LPGAT1: variants seen among roughly 807,000 people sequenced by gnomAD.
LPGAT1 encodes the protein acyl-CoA:lysophosphatidylglycerol acyltransferase 1.
In LPGAT1, 11 loss-of-function variants were observed where a neutral mutation model predicts 47.5. The observed-to-expected ratio is 0.23, with a 90% CI of 0.15 to 0.38. The LOEUF (loss-of-function observed/expected upper bound fraction) is 0.38, where lower values mean the gene tolerates loss of function less well. Ranked by LOEUF, LPGAT1 falls within the 10% of genes least tolerant of loss-of-function variation. The pLI is 1.00. For missense variants in LPGAT1, 293 were observed against 439.0 expected (o/e 0.67, Z 2.97); for synonymous variants, 138 against 144.2 (o/e 0.96, Z 0.31).
intron 4 of LPGAT1, 78 bp from the exon 5 acceptor site, chr1:211,783,580 C>A (rs1658728064): frequency 7.5e-7 from 1 of 1,337,336 alleles, no homozygotes; most frequent in Non-Finnish European, 1.0e-6. Context: ...GAAATTACAG[C>A]TTCTAAATTA....
intron 2 of LPGAT1, among the ~76,000 whole-genome samples, chr1:211,817,195 C>A (rs1000349174): frequency 2.6e-5 from 4 of 152,254 alleles, no homozygotes; most frequent in Admixed American, 6.5e-5. Context: ...TAGGGGGAAA[C>A]GTATATATTG....
At chr1:211,777,601 C>T (rs1658456509) in intron 6 of LPGAT1, among the ~76,000 whole-genome samples, 1 of 152,018 alleles carries the variant, frequency 6.6e-6, no homozygotes, top group Admixed American at 6.5e-5. Flanking sequence ...AATGTTCTTG[C>T]TACTGTTGTT....
At chr1:211,819,621 C>T (rs777728477) in intron 2 of LPGAT1, among the ~76,000 whole-genome samples, 17 of 152,170 alleles carry the variant, frequency 1.1e-4, no homozygotes, top group Non-Finnish European at 1.6e-4. Flanking sequence ...TAGGGCAAGA[C>T]AGTGTGGCAT....
intron 6 of LPGAT1, among the ~76,000 whole-genome samples, chr1:211,758,938 ATT>A (rs1331856216): frequency 6.6e-6 from 1 of 152,028 alleles, no homozygotes; most frequent in Non-Finnish European, 1.5e-5. Context: ...TTTATTAAGA[ATT>A]TTTTTATCGA....
rs112662875 is a variant in LPGAT1, at chr1:211,795,610, G to A, written c.239-2420C>T. Among the ~76,000 whole-genome samples, 466 of 152,112 alleles carry A rather than the reference G, an allele frequency of 3.1e-3. 1 individual carries two copies. The highest frequency in any genetic ancestry group is 3.8e-3 in the Non-Finnish European group (257 of 67,978). On this transcript the variant is annotated intron_variant, in intron 2 of 7. Transcript: ENST00000366997. ...TTCAACTCCCAACCTCAGGTGATCC[G>A]CCCACCTCGGCCTCCCAACGTGCTG...
chr1:211,802,681 G>C (rs1659619839), intron 2 of LPGAT1, among the ~76,000 whole-genome samples: 1 of 151,988 alleles, frequency 6.6e-6, no homozygotes, highest in African/African-American at 2.4e-5. Context: ...ACAAAATCCA[G>C]CCTTCAAATA....
At chr1:211,789,619 C>T (rs1009245465) in intron 3 of LPGAT1, among the ~76,000 whole-genome samples, 5 of 152,140 alleles carry the variant, frequency 3.3e-5, no homozygotes, top group South Asian at 2.1e-4. Context: ...CGATGGCTCA[C>T]GCCTATAATC....
chr1:211,789,760 CTCAGGAGAACTGAG>C (rs564055862), intron 3 of LPGAT1, among the ~76,000 whole-genome samples: 158 of 151,822 alleles, frequency 1.0e-3, no homozygotes, highest in Non-Finnish European at 1.9e-3. Flanking sequence ...GTCCCAGCTA[CTCAGGAGAACTGAG>C]GCAGGAGAAC....
At position 211,745,038 on chromosome 1, in the gene LPGAT1, T is replaced by C. The variant is rs762625412; in HGVS notation, c.*4861A>G. 12 of 152,678 alleles carry C rather than the reference T, an allele frequency of 7.9e-5. No individual in the cohort carries two copies. The highest frequency in any genetic ancestry group is 1.3e-4 in the Non-Finnish European group (9 of 68,044). 9.5% of individuals were successfully genotyped at this position (152,678 alleles called of 1,614,324 possible). On this transcript the variant is annotated 3_prime_UTR_variant, in exon 8 of 8. Coordinates refer to ENST00000366997, the MANE Select transcript of LPGAT1 (RefSeq NM_014873.3). The stretch of plus-strand genomic sequence containing the variant: ...GGTTTAAAAAAAATAGAACCAGCTA[T>C]TAATTTTTGTTGAGAAAATGCTTCT...
At chr1:211,790,667 T>C (rs1412016812) in intron 3 of LPGAT1, among the ~76,000 whole-genome samples, 2 of 152,258 alleles carry the variant, frequency 1.3e-5, no homozygotes, top group African/African-American at 4.8e-5. Context: ...AAAAAAAAAT[T>C]ACTTGGGATA....
chr1:211,760,975 A>C (rs1030220436), intron 6 of LPGAT1, among the ~76,000 whole-genome samples: 1 of 152,192 alleles, frequency 6.6e-6, no homozygotes, highest in African/African-American at 2.4e-5. Context: ...CAAATTACTG[A>C]GTTTTTACTT....
chr1:211,787,489 C>CA (rs374026763), intron 4 of LPGAT1, 143 bp downstream of exon 4: 12,439 of 189,432 alleles, frequency 0.066, 275 homozygotes, highest in Admixed American at 0.12. Context: ...CTCTGTCTCT[C>CA]AAAAAAAAAA....
chr1:211,786,646 T>C (rs1288913507), intron 4 of LPGAT1, among the ~76,000 whole-genome samples: 1 of 152,204 alleles, frequency 6.6e-6, no homozygotes, highest in Non-Finnish European at 1.5e-5. Flanking sequence ...ACCTATTCTT[T>C]AAAACTTGTG....
At chr1:211,760,680 C>T (rs1245369356) in intron 6 of LPGAT1, among the ~76,000 whole-genome samples, 2 of 152,156 alleles carry the variant, frequency 1.3e-5, no homozygotes, top group Non-Finnish European at 2.9e-5. Context: ...TATTTTCTCA[C>T]CTCTTAAAAT....
chr1:211,752,782 T>C (rs561720909), intron 6 of LPGAT1, among the ~76,000 whole-genome samples: 1 of 152,380 alleles, frequency 6.6e-6, no homozygotes, highest in African/African-American at 2.4e-5. Flanking sequence ...CACTTTGGAA[T>C]ACTGACTTCC....
chr1:211,752,712 G>C (rs879298845), intron 6 of LPGAT1, among the ~76,000 whole-genome samples: 1 of 149,202 alleles, frequency 6.7e-6, no homozygotes, highest in Non-Finnish European at 1.5e-5. Context: ...ATGTAGAAAG[G>C]TGTTGAAATT....
intron 3 of LPGAT1, among the ~76,000 whole-genome samples, chr1:211,792,817 TTC>T (rs1659184667): frequency 6.9e-6 from 1 of 144,216 alleles, no homozygotes; most frequent in Non-Finnish European, 1.5e-5. Flanking sequence ...GTTCAAGCAA[TTC>T]TCTTGCCTCA....
chr1:211,756,065 G>A (rs1434958450), intron 6 of LPGAT1, among the ~76,000 whole-genome samples: 6 of 152,008 alleles, frequency 3.9e-5, no homozygotes, highest in Non-Finnish European at 8.8e-5. Flanking sequence ...GTGAAATCCC[G>A]TCTCTACTAA....
At chr1:211,783,524 A>G (rs770350664) in intron 4 of LPGAT1, 22 bp from the exon 5 acceptor site, 1 of 1,603,280 alleles carries the variant, frequency 6.2e-7, no homozygotes, top group Admixed American at 1.7e-5. Context: ...ACACACACGT[A>G]ATAAGTACAG....
Sources: allele counts gnomAD v4.1 joint callset (sites outside exome capture counted in the v4.1 genomes callset), GRCh38; gene constraint gnomAD v4.1.1; transcripts MANE v1.5; gene names NCBI Gene and HGNC (gene_info 2026-07-23, HGNC 2026-07-21).